TGFBR1: variants seen among roughly 807,000 people sequenced by gnomAD.
TGFBR1 encodes the protein TGF-beta receptor type-1.
Under a neutral mutation model 55.1 loss-of-function variants are expected in TGFBR1, and 20 were observed. That is an observed-to-expected ratio of 0.36 (90% CI 0.26 to 0.53). The LOEUF (loss-of-function observed/expected upper bound fraction) is 0.53. TGFBR1 is among the 20% of genes least tolerant of loss of function. TGFBR1 has a pLI of 0.91. For missense variants in TGFBR1, 385 were observed against 617.6 expected (o/e 0.62, Z 3.99); for synonymous variants, 220 against 214.8 (o/e 1.02, Z -0.21).
At chr9:99,106,427 T>C (rs1826415923) in intron 1 of TGFBR1, among the ~76,000 whole-genome samples, 1 of 152,220 alleles carries the variant, frequency 6.6e-6, no homozygotes, top group Non-Finnish European at 1.5e-5. Flanking sequence ...GGACAAAAGA[T>C]GTTGAAATTT....
intron 1 of TGFBR1, among the ~76,000 whole-genome samples, chr9:99,106,626 C>T (rs955281332): frequency 5.5e-4 from 83 of 152,280 alleles, no homozygotes; most frequent in African/African-American, 1.9e-3. Context: ...GGTACAGACA[C>T]GTTAAGTACC....
intron 1 of TGFBR1, among the ~76,000 whole-genome samples, chr9:99,121,641 A>T (rs1826901917): frequency 1.3e-5 from 2 of 152,172 alleles, no homozygotes; most frequent in African/African-American, 4.8e-5. Context: ...CAGTGATGTG[A>T]TCTGCTTTCA....
intron 1 of TGFBR1, among the ~76,000 whole-genome samples, chr9:99,123,454 G>A (rs529783349): frequency 7.2e-5 from 11 of 152,118 alleles, no homozygotes; most frequent in African/African-American, 2.4e-4. Flanking sequence ...CAAAACTGTA[G>A]GAGTCTAAAC....
intron 1 of TGFBR1, chr9:99,127,893 C>CATGAG (rs1477271895): frequency 1.3e-5 from 6 of 455,270 alleles, no homozygotes; most frequent in Non-Finnish European, 2.6e-5. Context: ...TGCTGCTGTG[C>CATGAG]ATGAGGCATG....
intron 4 of TGFBR1, among the ~76,000 whole-genome samples, chr9:99,142,257 A>T (rs983875842): frequency 6.6e-6 from 1 of 152,084 alleles, no homozygotes; most frequent in South Asian, 2.1e-4. Flanking sequence ...GATACCAATT[A>T]TCTGTGAAGA....
At chr9:99,134,323 C>T (rs529215817) in intron 3 of TGFBR1, among the ~76,000 whole-genome samples, 7 of 152,222 alleles carry the variant, frequency 4.6e-5, no homozygotes, top group South Asian at 2.1e-4. Context: ...CTGGAGCTCA[C>T]GTCCCAGAAG....
chr9:99,134,664 C>T (rs1827363987), intron 3 of TGFBR1, among the ~76,000 whole-genome samples: 1 of 151,420 alleles, frequency 6.6e-6, no homozygotes, highest in Non-Finnish European at 1.5e-5. Context: ...GCACTCATGC[C>T]ACTTGCCACA....
At chr9:99,125,630 T>G (rs1254208375) in intron 1 of TGFBR1, among the ~76,000 whole-genome samples, 1 of 152,190 alleles carries the variant, frequency 6.6e-6, no homozygotes, top group Non-Finnish European at 1.5e-5. Context: ...ACCATGAAAC[T>G]TATGCTGTGT....
At chr9:99,103,858 C>T (rs780633337), upstream of TGFBR1, among the ~76,000 whole-genome samples, 1 of 152,200 alleles carries the variant, frequency 6.6e-6, no homozygotes, top group African/African-American at 2.4e-5. Context: ...GGAAAATGCT[C>T]ACCCAGTGAC....
At chr9:99,128,727 T>A in intron 1 of TGFBR1, 128 bp from the exon 2 acceptor site, 1 of 1,293,080 alleles carries the variant, frequency 7.7e-7, no homozygotes, top group South Asian at 1.2e-5. Context: ...TTTTTGCTTC[T>A]AAGAGCAACA....
rs1888225 is a variant in TGFBR1, at chr9:99,147,375, A to G, written c.1256-279A>G. Among the ~76,000 whole-genome samples, 8,036 of 152,234 alleles carry G rather than the reference A, an allele frequency of 0.053. 740 individuals are homozygous for G. Among genetic ancestry groups the G allele is most frequent in the East Asian group, 0.42 (2,161 of 5,168 alleles). On this transcript the variant is annotated intron_variant, in intron 7 of 8. Coordinates refer to ENST00000374994, the MANE Select transcript of TGFBR1 (RefSeq NM_004612.4). ...TGCTGCACAATAGGGTTCTAGGGGA[A>G]AATGTCAATCTGGTCATCACAGCTC... is the stretch of plus-strand genomic sequence containing the variant.
At chr9:99,134,638 A>G (rs973186483) in intron 3 of TGFBR1, among the ~76,000 whole-genome samples, 1 of 151,280 alleles carries the variant, frequency 6.6e-6, no homozygotes, top group South Asian at 2.1e-4. Flanking sequence ...CTAAACTTAT[A>G]CTCCGGAAAG....
At chr9:99,135,407 C>T (rs972508539) in intron 3 of TGFBR1, among the ~76,000 whole-genome samples, 8 of 152,168 alleles carry the variant, frequency 5.3e-5, no homozygotes, top group Non-Finnish European at 1.0e-4. Flanking sequence ...TTAGTTCTTT[C>T]ATTAATTGAG....
At chr9:99,112,768 C>T (rs1397777893) in intron 1 of TGFBR1, among the ~76,000 whole-genome samples, 2 of 151,886 alleles carry the variant, frequency 1.3e-5, no homozygotes, top group Non-Finnish European at 2.9e-5. Context: ...TAAGGGGAGA[C>T]GAATTCTGGT....
chr9:99,146,339 A>G (rs1409633267), intron 6 of TGFBR1, 146 bp from the exon 7 acceptor site: 2 of 956,406 alleles, frequency 2.1e-6, no homozygotes, highest in East Asian at 2.6e-5. Flanking sequence ...ACCAGTGTGG[A>G]TATTTAATAT....
At chr9:99,112,018 G>A (rs914045402) in intron 1 of TGFBR1, among the ~76,000 whole-genome samples, 3 of 152,196 alleles carry the variant, frequency 2.0e-5, no homozygotes, top group Admixed American at 6.5e-5. Context: ...AGGATGGCAT[G>A]TGTGGAGAAA....
intron 2 of TGFBR1, among the ~76,000 whole-genome samples, chr9:99,129,672 G>A (rs1827157384): frequency 1.3e-5 from 2 of 152,254 alleles, no homozygotes; most frequent in East Asian, 1.9e-4. Context: ...GCCTGAGGTG[G>A]GCAGATCACT....
chr9:99,145,812 A>G (rs796066604), intron 6 of TGFBR1: 8 of 153,072 alleles, frequency 5.2e-5, no homozygotes, highest in African/African-American at 1.9e-4. Flanking sequence ...GAGAGCCAGC[A>G]GCATTAGTCT....
chr9:99,125,927 G>T (rs147865192), intron 1 of TGFBR1, among the ~76,000 whole-genome samples: 163 of 152,126 alleles, frequency 1.1e-3, no homozygotes, highest in African/African-American at 3.7e-3. Flanking sequence ...AACAAGCTTG[G>T]CCCTTCCTGA....
Sources: gnomAD v4.1 joint callset for allele counts (sites outside exome capture counted in the v4.1 genomes callset) on GRCh38, gnomAD v4.1.1 for gene constraint, MANE v1.5 for transcripts, NCBI Gene and HGNC (gene_info 2026-07-23, HGNC 2026-07-21) for gene names.